PTPN4: variants seen among roughly 807,000 people sequenced by gnomAD.
PTPN4 encodes protein tyrosine phosphatase non-receptor type 4.
PTPN4 carries 49 observed loss-of-function variants against 135.5 expected under a neutral mutation model. The ratio of observed to expected loss-of-function variants is 0.36; its 90% CI spans 0.29 to 0.46. PTPN4 has a LOEUF of 0.46. Ranked by LOEUF, PTPN4 falls within the 20% of genes least tolerant of loss-of-function variation. PTPN4 has a pLI of 1.00. For synonymous variants in PTPN4, 333 were observed against 369.9 expected (o/e 0.90, Z 1.14); for missense variants, 860 against 1,101.0 (o/e 0.78, Z 3.10).
intron 2 of PTPN4, among the ~76,000 whole-genome samples, chr2:119,815,706 T>A (rs1293196857): frequency 6.6e-6 from 1 of 152,218 alleles, no homozygotes; most frequent in African/African-American, 2.4e-5. Context: ...TTAATAATTA[T>A]TGAATACCTA....
chr2:119,946,058 C>G (rs949552340), intron 16 of PTPN4, among the ~76,000 whole-genome samples: 15 of 152,036 alleles, frequency 9.9e-5, no homozygotes, highest in Admixed American at 6.6e-4. Flanking sequence ...GAGCCAGATT[C>G]TACGGATATA....
At chr2:119,968,228 A>T (rs1679473348) in intron 26 of PTPN4, among the ~76,000 whole-genome samples, 1 of 152,196 alleles carries the variant, frequency 6.6e-6, no homozygotes, top group Non-Finnish European at 1.5e-5. Context: ...ATAGCTGCAG[A>T]GTTTAGAAGT....
intron 8 of PTPN4, among the ~76,000 whole-genome samples, chr2:119,884,022 C>T (rs1678118597): frequency 6.6e-6 from 1 of 152,206 alleles, no homozygotes; most frequent in Non-Finnish European, 1.5e-5. Context: ...GCCTCAGCCT[C>T]CCGGTAGCCA....
At chr2:119,853,766 C>G (rs72836845) in intron 2 of PTPN4, among the ~76,000 whole-genome samples, 3,165 of 152,244 alleles carry the variant, frequency 0.021, 60 homozygotes, top group Non-Finnish European at 0.033. Context: ...TTTCATTACT[C>G]TTTCTTCTTT....
chr2:119,791,929 G>A (rs1040105712), intron 1 of PTPN4, among the ~76,000 whole-genome samples: 2 of 152,012 alleles, frequency 1.3e-5, no homozygotes, highest in Non-Finnish European at 2.9e-5. Context: ...GACTGTATTG[G>A]TATGCTTGTT....
At chr2:119,761,072 A>C (rs1264513492) in intron 1 of PTPN4, among the ~76,000 whole-genome samples, 1 of 152,148 alleles carries the variant, frequency 6.6e-6, no homozygotes, top group Non-Finnish European at 1.5e-5. Flanking sequence ...ATTTTTCAAA[A>C]CGCCTGTTCT....
intron 1 of PTPN4, among the ~76,000 whole-genome samples, chr2:119,767,938 G>C (rs556169316): frequency 6.6e-6 from 1 of 152,080 alleles, no homozygotes; most frequent in African/African-American, 2.4e-5. Context: ...AAGATATCTG[G>C]GAGTGTGTCA....
intron 9 of PTPN4, among the ~76,000 whole-genome samples, chr2:119,889,277 G>A (rs922705460): frequency 1.4e-4 from 21 of 152,060 alleles, no homozygotes; most frequent in Admixed American, 2.6e-4. Flanking sequence ...AAAATTAGCC[G>A]GTCGTGGTGG....
At chr2:119,956,478 G>A (rs1679287701) in intron 20 of PTPN4, among the ~76,000 whole-genome samples, 1 of 152,062 alleles carries the variant, frequency 6.6e-6, no homozygotes, top group Non-Finnish European at 1.5e-5. Context: ...AAAACATTTA[G>A]GATATGTCTG....
chr2:119,945,055 A>G (rs1558771133), intron 15 of PTPN4, 26 bp from the exon 16 acceptor site: 1 of 1,557,070 alleles, frequency 6.4e-7, no homozygotes, highest in Non-Finnish European at 8.6e-7. Flanking sequence ...TTATGAAACA[A>G]CTTCCAAATT....
intron 3 of PTPN4, among the ~76,000 whole-genome samples, chr2:119,865,514 A>C (rs754322007): frequency 1.1e-4 from 16 of 152,098 alleles, no homozygotes; most frequent in Admixed American, 4.6e-4. Context: ...ACTCAGATCT[A>C]ACTTCAAAGC....
chr2:119,923,969 C>T (rs1678775558), intron 12 of PTPN4, among the ~76,000 whole-genome samples: 1 of 151,912 alleles, frequency 6.6e-6, no homozygotes, highest in Non-Finnish European at 1.5e-5. Flanking sequence ...AACCCTGTCT[C>T]TACTAAAAAT....
chr2:119,812,377 C>G (rs1172100951), intron 2 of PTPN4, among the ~76,000 whole-genome samples: 1 of 152,176 alleles, frequency 6.6e-6, no homozygotes, highest in East Asian at 1.9e-4. Context: ...TTGGAGACTA[C>G]CAGGCATTGG....
intron 5 of PTPN4, among the ~76,000 whole-genome samples, chr2:119,880,687 G>T (rs929075920): frequency 6.6e-6 from 1 of 151,532 alleles, no homozygotes; most frequent in Non-Finnish European, 1.5e-5. Flanking sequence ...TGATCTGCCC[G>T]CCTCGGCCTC....
chr2:119,766,764 T>G (rs1005234694), intron 1 of PTPN4, among the ~76,000 whole-genome samples: 5 of 152,014 alleles, frequency 3.3e-5, no homozygotes, highest in African/African-American at 7.2e-5. Context: ...GGAGGGATGA[T>G]AGGAACCAGA....
chr2:119,877,527 A>C lies in PTPN4; in HGVS notation c.353A>C (p.Gln118Pro). 6.2e-7 allele frequency: 1 copy of C among 1,609,410 alleles called. No individual in the cohort carries two copies. Among genetic ancestry groups the C allele is most frequent in the Non-Finnish European group, 8.5e-7 (1 of 1,178,594 alleles). ...TTTGTAAGTGACCCCAACAAGTTAC[A>C]AGAAGAATATACAAGGTGGGTTTAT... ...KFFVSDPNKL[Q>P]EEYTRYQYFL... The change falls in exon 5 of 27, where the codon CAA (glutamine) becomes CCA (proline). Residue 118 changes from glutamine (Q) to proline (P), a missense_variant. Transcript: ENST00000263708.
At chr2:119,824,741 G>T (rs1677122734) in intron 2 of PTPN4, among the ~76,000 whole-genome samples, 1 of 152,126 alleles carries the variant, frequency 6.6e-6, no homozygotes, top group Admixed American at 6.5e-5. Context: ...AGGCTGGAGT[G>T]CAGTGGTGTG....
chr2:119,961,262 A>G (rs969579264), intron 23 of PTPN4, among the ~76,000 whole-genome samples: 3 of 152,242 alleles, frequency 2.0e-5, no homozygotes, highest in Admixed American at 2.0e-4. Context: ...AAAAATGGGC[A>G]ATGGATCTGA....
At chr2:119,906,209 AAAAG>A (rs1296047240) in intron 10 of PTPN4, among the ~76,000 whole-genome samples, 1 of 152,196 alleles carries the variant, frequency 6.6e-6, no homozygotes, top group African/African-American at 2.4e-5. Context: ...TAACAACAAA[AAAAG>A]AAAAAATTAT....
Sources: gnomAD v4.1 joint callset for allele counts (sites outside exome capture counted in the v4.1 genomes callset) on GRCh38, gnomAD v4.1.1 for gene constraint, MANE v1.5 for transcripts, NCBI Gene and HGNC (gene_info 2026-07-23, HGNC 2026-07-21) for gene names.